PROM1: variants seen among roughly 807,000 people sequenced by gnomAD.
PROM1 encodes the protein prominin 1.
A neutral mutation model predicts 116.9 loss-of-function variants in PROM1; 105 were observed. That is an observed-to-expected ratio of 0.90 (90% CI 0.77 to 1.06). The LOEUF is 1.06. Among genes scored for constraint, PROM1 ranks in the 50% least tolerant of loss-of-function variants. PROM1 has a pLI of 0.00. For missense variants in PROM1, 1,122 were observed against 1,045.2 expected (o/e 1.07, Z -1.01); for synonymous variants, 393 against 387.0 (o/e 1.02, Z -0.18).
intron 5 of PROM1, among the ~76,000 whole-genome samples, chr4:16,030,356 A>C (rs1732369939): frequency 6.6e-6 from 1 of 152,182 alleles, no homozygotes; most frequent in African/African-American, 2.4e-5. Flanking sequence ...TCACAATCTC[A>C]GTTGATCAAT....
intron 13 of PROM1, among the ~76,000 whole-genome samples, chr4:16,003,803 A>T (rs111350146): frequency 0.017 from 2,631 of 152,320 alleles, 76 homozygotes; most frequent in African/African-American, 0.059. Context: ...AAATTAAAAT[A>T]AAATGCTTCT....
rs998188969 is a variant in PROM1 at position 15,985,385 on chromosome 4, G to C, written c.2280+375C>G. The C allele has an allele frequency of 1.4e-5, 3 of 210,238 alleles. No individual in the cohort carries two copies. In the East Asian group the frequency reaches 4.7e-4, roughly 33 times the overall value. The allele number at this position is 210,238 out of a possible 1,614,324, so 13.0% of individuals were successfully genotyped here. A position where few individuals can be genotyped will look rare whatever the true frequency, so the allele number is the denominator to read the frequency against. ...AAGATCCTTATTCTCTCTGAGCCTC[G>C]GTTTCCAGTTTCCTCATTTGTTTTG... On this transcript the variant is annotated intron_variant, in intron 22 of 27. Coordinates refer to ENST00000447510, the MANE Select transcript of PROM1 (RefSeq NM_006017.3).
intron 26 of PROM1, among the ~76,000 whole-genome samples, chr4:15,972,526 A>T (rs1479807645): frequency 6.6e-6 from 1 of 152,146 alleles, no homozygotes; most frequent in Non-Finnish European, 1.5e-5. Context: ...TGACTTAACC[A>T]CCTGTCCAAG....
chr4:16,083,929 C>A (rs1001929197), intron 1 of PROM1, 49 bp downstream of exon 1: 1 of 152,214 alleles, frequency 6.6e-6, no homozygotes, highest in Non-Finnish European at 1.5e-5. Flanking sequence ...CGGACGGGGA[C>A]CTAGGTATGG....
At chr4:16,004,894 CCT>C (rs1300457356) in intron 13 of PROM1, among the ~76,000 whole-genome samples, 6 of 98,470 alleles carry the variant, frequency 6.1e-5, no homozygotes, top group South Asian at 3.4e-4. Flanking sequence ...TCTCCCTCCC[CCT>C]CTCTCTCTCC....
At chr4:16,023,280 G>T in intron 8 of PROM1, 46 bp downstream of exon 8, 2 of 1,457,092 alleles carry the variant, frequency 1.4e-6, no homozygotes, top group South Asian at 2.4e-5. Flanking sequence ...CAAGCCCAGG[G>T]ACTCCTGGAT....
chr4:15,993,931 C>T (rs1721670696), intron 16 of PROM1, 56 bp downstream of exon 16: 7 of 1,567,706 alleles, frequency 4.5e-6, no homozygotes, highest in Admixed American at 1.9e-5. Flanking sequence ...GAAAGAAAGA[C>T]ACCTAGATTT....
intron 26 of PROM1, among the ~76,000 whole-genome samples, chr4:15,977,526 A>G (rs1006161769): frequency 6.6e-6 from 1 of 152,196 alleles, no homozygotes; most frequent in Non-Finnish European, 1.5e-5. Flanking sequence ...CTCTGTCACA[A>G]CACAGCACTC....
chr4:15,969,564 G>A (rs1396820604), intron 27 of PROM1, among the ~76,000 whole-genome samples, 196 bp from the exon 28 acceptor site: 2 of 152,036 alleles, frequency 1.3e-5, no homozygotes, highest in Non-Finnish European at 2.9e-5. Flanking sequence ...AAAACTTTGT[G>A]GTTTTTGTTT....
chr4:16,075,793 T>C lies in PROM1; in HGVS notation c.114A>G (p.Ala38=). The change falls in exon 2 of 28, where the codon GCA becomes GCG. Residue 38 remains alanine (A), a synonymous_variant. Transcript: ENST00000447510. The part of the protein sequence containing the change: ...APKAWNYELP[A]TNYETQDSHK... The stretch of plus-strand genomic sequence containing the variant: ...GGGAGTCTTGGGTCTCATAATTTGT[T>C]GCAGGCAATTCATAATTCCAAGCCT... The C allele has an allele frequency of 6.2e-7, 1 of 1,613,846 alleles. No individual in the cohort carries two copies. The highest frequency in any genetic ancestry group is 8.5e-7 in the Non-Finnish European group (1 of 1,179,854).
chr4:15,986,523 GC>G (rs1719455011), intron 20 of PROM1, among the ~76,000 whole-genome samples: 1 of 151,956 alleles, frequency 6.6e-6, no homozygotes, highest in Non-Finnish European at 1.5e-5. Context: ...GGCCTTTTCT[GC>G]CCAGGGACCT....
intron 2 of PROM1, among the ~76,000 whole-genome samples, chr4:16,071,461 T>C (rs1742791664): frequency 6.6e-6 from 1 of 152,162 alleles, no homozygotes; most frequent in Non-Finnish European, 1.5e-5. Context: ...GACATTTCTG[T>C]GTTGAAGCGT....
chr4:16,027,621 T>G lies in PROM1; in HGVS notation c.510-2309A>C, dbSNP rs561517553. Among the ~76,000 whole-genome samples the G allele has an allele frequency of 3.3e-5, 5 of 152,326 alleles. No individual in the cohort carries two copies. In the East Asian group the frequency reaches 9.6e-4, roughly 29 times the overall value. On this transcript the variant is annotated intron_variant, in intron 5 of 27. Coordinates refer to ENST00000447510, the MANE Select transcript of PROM1 (RefSeq NM_006017.3). ...CTCCTTGCCTTGAACTCCCAGAGGCTCCCTTTAATTCTGATGGGATATGTC... is the reference window on the plus strand; with the variant it reads ...CTCCTTGCCTTGAACTCCCAGAGGCGCCCTTTAATTCTGATGGGATATGTC...
At chr4:16,009,147 T>C (rs1726249455) in intron 11 of PROM1, 39 bp from the exon 12 acceptor site, 1 of 1,572,966 alleles carries the variant, frequency 6.4e-7, no homozygotes, top group South Asian at 1.1e-5. Flanking sequence ...TTTGCAAACA[T>C]GGAGGAAATA....
intron 10 of PROM1, among the ~76,000 whole-genome samples, chr4:16,013,945 CG>C (rs1727604444): frequency 7.2e-5 from 4 of 55,268 alleles, no homozygotes; most frequent in African/African-American, 3.5e-4. Flanking sequence ...ATAGTCTAAA[CG>C]AAAAAAAAAA....
At chr4:16,000,848 C>A (rs1334247491) in intron 13 of PROM1, among the ~76,000 whole-genome samples, 1 of 149,558 alleles carries the variant, frequency 6.7e-6, no homozygotes, top group Non-Finnish European at 1.5e-5. Flanking sequence ...TGGGGAGGGG[C>A]AGCTCCAGAG....
chr4:16,036,448 G>A (rs1733955987), intron 3 of PROM1, among the ~76,000 whole-genome samples: 1 of 152,106 alleles, frequency 6.6e-6, no homozygotes, highest in Non-Finnish European at 1.5e-5. Context: ...GGGACTGGGG[G>A]GCAGTTCAGA....
intron 2 of PROM1, among the ~76,000 whole-genome samples, chr4:16,046,721 C>A (rs1022829989): frequency 6.6e-6 from 1 of 152,230 alleles, no homozygotes; most frequent in Admixed American, 6.5e-5. Context: ...CACTTCAGCT[C>A]CAAATCACAA....
intron 3 of PROM1, 44 bp downstream of exon 3, chr4:16,038,902 C>T: frequency 7.0e-7 from 1 of 1,437,102 alleles, no homozygotes; most frequent in Non-Finnish European, 9.2e-7. Flanking sequence ...AAATTTTTCT[C>T]ATACTTCGTA....
Sources: allele counts gnomAD v4.1 joint callset (sites outside exome capture counted in the v4.1 genomes callset), GRCh38; gene constraint gnomAD v4.1.1; transcripts MANE v1.5; gene names NCBI Gene and HGNC (gene_info 2026-07-23, HGNC 2026-07-21).